The following TARBP2 variants were observed in gnomAD, a reference collection of about 807,000 sequenced individuals.
The protein encoded by TARBP2 is TARBP2 subunit of RISC loading complex, also known as RISC-loading complex subunit TARBP2.
In TARBP2, 23 loss-of-function variants were observed where a neutral mutation model predicts 40.4. The observed-to-expected ratio is 0.57, with a 90% CI of 0.41 to 0.81. The LOEUF (loss-of-function observed/expected upper bound fraction) is 0.81, where lower values mean the gene tolerates loss of function less well. TARBP2 is among the 30% of genes least tolerant of loss of function. The pLI is 0.00. For missense variants in TARBP2, 358 were observed against 473.7 expected, an observed-to-expected ratio of 0.76 and a Z score of 2.27; for synonymous variants, 183 against 190.5, an observed-to-expected ratio of 0.96 and a Z score of 0.32.
chr12:53,501,726 G>T (rs773519844), intron 1 of TARBP2: 9 of 1,429,196 alleles, frequency 6.3e-6, no homozygotes, highest in Non-Finnish European at 8.2e-6. Flanking sequence ...CTGGGTTCCT[G>T]GCTTGCACTG....
rs1164684860 is a variant in TARBP2 at position 53,503,035 on chromosome 12, C to T, written c.232C>T (p.Pro78Ser). Residue 78 changes from proline (P) to serine (S), a missense_variant, in exon 3 of 9, where the codon CCC (proline) becomes TCC (serine). Pro to Ser is a moderately conservative substitution (Grantham distance 74). This residue lies in a region of TARBP2 where 317 missense variants were observed against 422.9 expected (regional missense o/e 0.75). Coordinates refer to ENST00000266987, the MANE Select transcript of TARBP2 (RefSeq NM_134323.2). ...VGDTSCTGQG[P>S]SKKAAKHKAA... ...CATGCCCCCTCTCTCAGGTCAGGGC[C>T]CCAGCAAGAAGGCAGCCAAGCACAA... The T allele has an allele frequency of 1.3e-6, 2 of 1,550,266 alleles. No homozygotes were observed. The highest frequency in any genetic ancestry group is 2.0e-5 in the Admixed American group (1 of 50,876).
Position 53,506,389 on chromosome 12 carries a change from C to T in TARBP2, c.*241C>T. 1 of 555,100 alleles carries T rather than the reference C, an allele frequency of 1.8e-6. No homozygotes were observed. Among genetic ancestry groups the T allele is most frequent in the South Asian group, 2.6e-5 (1 of 38,792 alleles). The allele number at this position is 555,100 out of a possible 1,614,324, so 34.4% of individuals were successfully genotyped here. A position where few individuals can be genotyped will look rare whatever the true frequency, so the allele number is the denominator to read the frequency against. ...AATGGGAATGAAATCAGGGGGCTGT[C>T]TACTAGAGCCTGGAATAAATATGCT... On this transcript the variant is annotated 3_prime_UTR_variant, in exon 9 of 9. Transcript: ENST00000266987.
chr12:53,506,153 C>G lies in TARBP2; in HGVS notation c.*5C>G, dbSNP rs767686359. On this transcript the variant is annotated 3_prime_UTR_variant, in exon 9 of 9. Coordinates refer to ENST00000266987, the MANE Select transcript of TARBP2 (RefSeq NM_134323.2). The stretch of plus-strand genomic sequence containing the variant: ...ATCATGGCAGGCAGCAAGTGAAGCC[C>G]CAGCTGGACTCATGGATGTGCACCC... 5.0e-6 allele frequency: 8 copies of G among 1,612,890 alleles called. No homozygotes were observed. Among genetic ancestry groups the G allele is most frequent in the Non-Finnish European group, 6.8e-6 (8 of 1,179,564 alleles).
chr12:53,505,963 T>C lies in TARBP2; in HGVS notation c.944-28T>C. 6 of 1,607,686 alleles carry C rather than the reference T, an allele frequency of 3.7e-6. No individual in the cohort carries two copies. Among genetic ancestry groups the C allele is most frequent in the Non-Finnish European group, 5.1e-6 (6 of 1,174,868 alleles). On this transcript the variant is annotated intron_variant, in intron 8 of 8. Transcript: ENST00000266987. The surrounding 1 kb of genome is among the most constrained non-coding windows in gnomAD (Gnocchi z 4.5). ...TCCCCAGGGCTACCTCCCCCAACAT[T>C]GCCTCCCTCCTCTCTCTTGCTCTCC... is the stretch of plus-strand genomic sequence containing the variant.
intron 4 of TARBP2, 163 bp downstream of exon 4, chr12:53,503,971 C>T (rs925139537): frequency 1.6e-6 from 1 of 634,826 alleles, no homozygotes; most frequent in Non-Finnish European, 2.8e-6. Context: ...AGCTGGTAAG[C>T]TCTTGGGACA....
In TARBP2 at chr12:53,505,092, T is replaced by C. The variant is rs1374357398; in HGVS notation, c.614-43T>C. On this transcript the variant is annotated intron_variant, in intron 6 of 8. Transcript: ENST00000266987. The surrounding 1 kb of genome is among the most constrained non-coding windows in gnomAD (Gnocchi z 4.5). ...GTATGACCTGGGTGGAAGCACTGGG[T>C]CTGTGGGGAATCATAACCCAGCAGC... 2 of 1,568,894 alleles carry C rather than the reference T, an allele frequency of 1.3e-6. No individual in the cohort carries two copies. The highest frequency in any genetic ancestry group is 4.5e-5 in the East Asian group (2 of 44,158).
intron 2 of TARBP2, 82 bp from the exon 3 acceptor site, chr12:53,502,944 CT>C: frequency 7.1e-7 from 1 of 1,412,388 alleles, no homozygotes; most frequent in South Asian, 1.4e-5. Flanking sequence ...TTCCCTCTGG[CT>C]ACGAGGAGAG....
In TARBP2 at chr12:53,504,399, G is replaced by A. The variant is rs1365833083; in HGVS notation, c.425G>A (p.Ser142Asn). The A allele has an allele frequency of 1.3e-6, 2 of 1,553,766 alleles. No individual in the cohort carries two copies. The highest frequency in any genetic ancestry group is 2.8e-5 in the African/African-American group (2 of 72,308). Residue 142 changes from serine to asparagine, a missense_variant and splice_region_variant, in exon 5 of 9, where the codon AGC becomes AAC. Transcript: ENST00000266987. ...TGGCCCTGTGCCTTTTCCTTCAGGA[G>A]CCCCCCCATGGAACTGCAGCCCCCT... is the stretch of plus-strand genomic sequence containing the variant. ...TPVPSVVLTR[S>N]PPMELQPPVS...
Position 53,506,061 on chromosome 12 carries a change from T to C in TARBP2, c.1014T>C (p.His338=), listed in dbSNP as rs779990767. The C allele has an allele frequency of 1.9e-6, 3 of 1,614,100 alleles. No homozygotes were observed. The highest frequency in any genetic ancestry group is 1.7e-5 in the Admixed American group (1 of 60,022). Residue 338 remains histidine, a synonymous_variant, in exon 9 of 9, where the codon CAT becomes CAC. Transcript: ENST00000266987. ...CCACCCAGCCGGCCACTGTGTGTCA[T>C]GGCTCTGCAACCACCAGGGAGGCAG... ...ELSTQPATVC[H]GSATTREAAR...
At chr12:53,501,499 C>T (rs1165715275) in intron 1 of TARBP2, 38 bp downstream of exon 1, 5 of 1,553,486 alleles carry the variant, frequency 3.2e-6, no homozygotes, top group Non-Finnish European at 4.4e-6. Flanking sequence ...GGGCGAAAAG[C>T]GTGGGGCCGT....
In TARBP2 at chr12:53,505,782, C is replaced by T. The variant is rs573277126; in HGVS notation, c.875C>T (p.Pro292Leu). The change falls in exon 8 of 9, where the codon CCT becomes CTT. Residue 292 changes from proline (P) to leucine (L), a missense_variant. Pro to Leu is a moderately conservative substitution (Grantham distance 98). This residue lies in a region of TARBP2 where 317 missense variants were observed against 422.9 expected (regional missense o/e 0.75). Transcript: ENST00000266987. The surrounding 1 kb of genome is among the most constrained non-coding windows in gnomAD (Gnocchi z 4.5). ...CTGGGCTCCCTGGGTGCCCTGGGCC[C>T]TGCCTGCTGCCGTGTCCTCAGTGAG... is the stretch of plus-strand genomic sequence containing the variant. ...CSLGSLGALGPACCRVLSELS... is the reference protein window; with the variant it reads ...CSLGSLGALGLACCRVLSELS... The T allele has an allele frequency of 2.5e-4, 397 of 1,614,074 alleles. No homozygotes were observed. In the East Asian group the frequency reaches 8.8e-3, roughly 36 times the overall value.
rs750154771 is a variant in TARBP2, at chr12:53,504,748, G to A, written c.546G>A (p.Gln182=). 8 of 1,613,992 alleles carry A rather than the reference G, an allele frequency of 5.0e-6. No individual in the cohort carries two copies. In the African/African-American group the frequency reaches 6.7e-5, roughly 13 times the overall value. ...GGTTGCCGGAGTACACAGTGACCCAGGAGTCTGGGCCAGCCCACCGCAAAG... is the reference window on the plus strand; with the variant it reads ...GGTTGCCGGAGTACACAGTGACCCAAGAGTCTGGGCCAGCCCACCGCAAAG... The part of the protein sequence containing the change: ...GWRLPEYTVT[Q]ESGPAHRKEF... Residue 182 remains glutamine, a synonymous_variant, in exon 6 of 9, where the codon CAG becomes CAA. Coordinates refer to ENST00000266987, the MANE Select transcript of TARBP2 (RefSeq NM_134323.2).
chr12:53,504,786 C>A lies in TARBP2; in HGVS notation c.584C>A (p.Thr195Asn). The A allele has an allele frequency of 6.2e-7, 1 of 1,614,162 alleles. No homozygotes were observed. The highest frequency in any genetic ancestry group is 2.2e-5 in the East Asian group (1 of 44,860). The change falls in exon 6 of 9, where the codon ACC becomes AAC. Residue 195 changes from threonine to asparagine, a missense_variant. By Grantham distance (65) the Thr-to-Asn change is moderately conservative. This residue lies in a region of TARBP2 where 317 missense variants were observed against 422.9 expected (regional missense o/e 0.75). Coordinates refer to ENST00000266987, the MANE Select transcript of TARBP2 (RefSeq NM_134323.2). ...GPAHRKEFTM[T>N]CRVERFIEIG... ...GCCCACCGCAAAGAATTCACCATGA[C>A]CTGTCGAGTGGAGCGTTTCATTGAG...
intron 1 of TARBP2, 197 bp from the exon 2 acceptor site, chr12:53,501,817 TC>T (rs5798267): frequency 1.5e-6 from 2 of 1,305,524 alleles, no homozygotes; most frequent in Non-Finnish European, 2.0e-6. Flanking sequence ...AATGCATTCT[TC>T]CCCCCTTGCT....
chr12:53,501,886 G>T, intron 1 of TARBP2, 129 bp from the exon 2 acceptor site: 1 of 1,420,422 alleles, frequency 7.0e-7, no homozygotes, highest in Non-Finnish European at 9.5e-7. Context: ...CCAGCCAATG[G>T]ATGCTAGACT....
Position 53,502,182 on chromosome 12 carries a change from C to T in TARBP2, c.221C>T (p.Thr74Ile). 6.2e-7 allele frequency: 1 copy of T among 1,614,218 alleles called. No individual in the cohort carries two copies. ...GTCACCGTTGGCGACACCAGCTGCA[C>T]TGGTGAGGAAGGCTTGGGCAGCCTG... ...FRVTVGDTSC[T>I]GQGPSKKAAK... The change falls in exon 2 of 9, where the codon ACT (threonine) becomes ATT (isoleucine). Residue 74 changes from threonine to isoleucine, a missense_variant and splice_region_variant. Thr to Ile is a moderately conservative substitution (Grantham distance 89). Transcript: ENST00000266987.
chr12:53,501,687 G>A, intron 1 of TARBP2: 28 of 1,436,734 alleles, frequency 1.9e-5, no homozygotes, highest in Non-Finnish European at 2.5e-5. Flanking sequence ...TGGGCTTTAT[G>A]CCCCCACATT....
In TARBP2 at chr12:53,503,771, G is replaced by C. The variant is rs768121847; in HGVS notation, c.385G>C (p.Ala129Pro). ...GGACATTCCGGTTTTTACTGCTGCA[G>C]CAGCTGCTACCCCAGTTCCATCTGT... ...PEDIPVFTAA[A>P]AATPVPSVVL... Residue 129 changes from alanine to proline, a missense_variant, in exon 4 of 9, where the codon GCA becomes CCA. By Grantham distance (27) the Ala-to-Pro change is conservative. Coordinates refer to ENST00000266987, the MANE Select transcript of TARBP2 (RefSeq NM_134323.2). 6.8e-6 allele frequency: 11 copies of C among 1,614,100 alleles called. No individual in the cohort carries two copies. In the African/African-American group the frequency reaches 1.2e-4, roughly 18 times the overall value.
At position 53,504,830 on chromosome 12, in the gene TARBP2, A is replaced by C. The variant is rs201650770; in HGVS notation, c.613+15A>C. 6.2e-7 allele frequency: 1 copy of C among 1,613,302 alleles called. No individual in the cohort carries two copies. The highest frequency in any genetic ancestry group is 2.2e-5 in the East Asian group (1 of 44,844). On this transcript the variant is annotated intron_variant, in intron 6 of 8. Transcript: ENST00000266987. ...CATTGAGATTGGTAACTGGGCAAGA[A>C]GGGGTTCTCACAACTCCTCTCCCGC...
Sources: gnomAD v4.1 joint callset for allele counts on GRCh38, gnomAD v4.1.1 for gene constraint, gnomAD v4.1.1 regional missense constraint, Gnocchi (gnomAD v3.1) non-coding constraint, MANE v1.5 for transcripts, NCBI Gene and HGNC (gene_info 2026-07-23, HGNC 2026-07-21) for gene names.